The following NCK1 variants were observed in gnomAD, a reference collection of about 807,000 sequenced individuals.
The protein encoded by NCK1 is SH2/SH3 adapter protein NCK1.
Under a neutral mutation model 36.6 loss-of-function variants are expected in NCK1, and 19 were observed. That is an observed-to-expected ratio of 0.52 (90% CI 0.36 to 0.76). The LOEUF is 0.76. Ranked by LOEUF, NCK1 falls within the 30% of genes least tolerant of loss-of-function variation. The probability of loss-of-function intolerance (pLI) is 0.00; values close to 1 mark genes in which losing one functional copy is unlikely to be tolerated. For synonymous variants in NCK1, 165 were observed against 156.0 expected (o/e 1.06, Z -0.43); for missense variants, 358 against 445.6 (o/e 0.80, Z 1.77).
intron 1 of NCK1, among the ~76,000 whole-genome samples, chr3:136,915,308 A>C (rs1409021531): frequency 1.3e-5 from 2 of 152,240 alleles, no homozygotes; most frequent in Non-Finnish European, 2.9e-5. Context: ...TTGACGTAGT[A>C]GCATTAATTA....
chr3:136,897,957 A>AT (rs1939432627), intron 1 of NCK1, among the ~76,000 whole-genome samples: 2 of 152,326 alleles, frequency 1.3e-5, no homozygotes, highest in South Asian at 4.1e-4. Flanking sequence ...AGGGATGACT[A>AT]AATACTTGAC....
intron 1 of NCK1, among the ~76,000 whole-genome samples, chr3:136,877,251 T>C (rs1210412008): frequency 6.6e-6 from 1 of 152,198 alleles, no homozygotes; most frequent in Non-Finnish European, 1.5e-5. Context: ...AATTGACACA[T>C]GCTGGACAAT....
At chr3:136,899,472 T>C (rs1939483985) in intron 1 of NCK1, 1 of 352,750 alleles carries the variant, frequency 2.8e-6, no homozygotes, top group Admixed American at 3.5e-5. Flanking sequence ...AGAGGAGTCT[T>C]TGTCATTATC....
chr3:136,896,698 A>G (rs1939400898), intron 1 of NCK1, among the ~76,000 whole-genome samples: 2 of 152,100 alleles, frequency 1.3e-5, no homozygotes, highest in Admixed American at 6.5e-5. Flanking sequence ...TGGGGGTCTC[A>G]CTATGTTGCC....
intron 1 of NCK1, among the ~76,000 whole-genome samples, chr3:136,888,250 CTTTAT>C (rs1321211910): frequency 4.6e-5 from 7 of 151,900 alleles, no homozygotes; most frequent in African/African-American, 1.7e-4. Flanking sequence ...GCCCTCCTTG[CTTTAT>C]TTTATGATTC....
chr3:136,934,084 C>G (rs1425241607), intron 2 of NCK1, among the ~76,000 whole-genome samples: 1 of 152,092 alleles, frequency 6.6e-6, no homozygotes, highest in Non-Finnish European at 1.5e-5. Context: ...TGATGGAGTT[C>G]CTGCTATGTA....
In NCK1 at chr3:136,946,422, G is replaced by A. The variant is rs562581478; in HGVS notation, c.939+127G>A. The A allele has an allele frequency of 7.9e-6, 6 of 755,134 alleles. No homozygotes were observed. The East Asian group carries it at 1.1e-4, about 13-fold the overall frequency. 46.8% of individuals were successfully genotyped at this position (755,134 alleles called of 1,614,324 possible). On this transcript the variant is annotated intron_variant, in intron 3 of 3. Transcript: ENST00000481752. Reference sequence around the variant, plus strand: ...GGTAACAAGCTGGGACGTAACATAAGCATAAATGTTCCAAAGCTAAAGTCC... The same window carrying A: ...GGTAACAAGCTGGGACGTAACATAAACATAAATGTTCCAAAGCTAAAGTCC...
chr3:136,867,009 A>C (rs1487378359), intron 1 of NCK1, among the ~76,000 whole-genome samples: 4 of 151,922 alleles, frequency 2.6e-5, no homozygotes, highest in Non-Finnish European at 4.4e-5. Flanking sequence ...CCTTTGGTGC[A>C]GTCTTCCAAA....
At chr3:136,940,222 C>G (rs933279478) in intron 2 of NCK1, among the ~76,000 whole-genome samples, 1 of 152,036 alleles carries the variant, frequency 6.6e-6, no homozygotes, top group Non-Finnish European at 1.5e-5. Flanking sequence ...TCCATGTATA[C>G]TTGAGAAAAA....
intron 1 of NCK1, among the ~76,000 whole-genome samples, chr3:136,867,109 TTTCTTTCTTTGTTTCTTTCTTTCC>T (rs1453894847): frequency 0.025 from 824 of 33,032 alleles, 82 homozygotes; most frequent in East Asian, 0.035. Flanking sequence ...TCTTTCTTTC[TTTCTTTCTTTGTTTCTTTCTTTCC>T]TTCCTTCCTT....
At chr3:136,874,861 A>G (rs1938722707) in intron 1 of NCK1, among the ~76,000 whole-genome samples, 1 of 152,152 alleles carries the variant, frequency 6.6e-6, no homozygotes, top group Non-Finnish European at 1.5e-5. Flanking sequence ...TAGGTTGGAA[A>G]TAATTTGCCT....
At chr3:136,874,097 A>T (rs1266390882) in intron 1 of NCK1, among the ~76,000 whole-genome samples, 1 of 152,238 alleles carries the variant, frequency 6.6e-6, no homozygotes, top group East Asian at 1.9e-4. Context: ...ATGTAATTTT[A>T]AAAAATTGGA....
At chr3:136,880,715 A>G (rs1280557689) in intron 1 of NCK1, among the ~76,000 whole-genome samples, 1 of 152,024 alleles carries the variant, frequency 6.6e-6, no homozygotes, top group Non-Finnish European at 1.5e-5. Flanking sequence ...AGGGATCCTC[A>G]TGTTTCAACC....
chr3:136,930,174 A>G (rs1335989500), intron 2 of NCK1, among the ~76,000 whole-genome samples: 1 of 152,150 alleles, frequency 6.6e-6, no homozygotes. Flanking sequence ...GGTGTAATTA[A>G]TGGATTTGTT....
At chr3:136,940,063 A>T (rs924062298) in intron 2 of NCK1, among the ~76,000 whole-genome samples, 1 of 151,988 alleles carries the variant, frequency 6.6e-6, no homozygotes, top group African/African-American at 2.4e-5. Context: ...AGGTCTCACC[A>T]TCTTGCCCAG....
intron 1 of NCK1, among the ~76,000 whole-genome samples, chr3:136,915,514 T>C (rs1051230436): frequency 2.0e-5 from 3 of 152,212 alleles, no homozygotes; most frequent in Admixed American, 6.5e-5. Context: ...GTAGGTCTTA[T>C]GGCTTGCATA....
chr3:136,916,745 AAC>A (rs544575747), intron 1 of NCK1, among the ~76,000 whole-genome samples: 77 of 152,182 alleles, frequency 5.1e-4, no homozygotes, highest in African/African-American at 1.7e-3. Flanking sequence ...TAGAAAATAA[AAC>A]AGTTTGTTTA....
chr3:136,876,850 G>C (rs541962509), intron 1 of NCK1, among the ~76,000 whole-genome samples: 2 of 152,232 alleles, frequency 1.3e-5, no homozygotes, highest in East Asian at 3.9e-4. Context: ...TCCTGCCTAA[G>C]ATCAATTTCT....
At chr3:136,862,580 A>G (rs1938258922) in intron 1 of NCK1, among the ~76,000 whole-genome samples, 1 of 152,156 alleles carries the variant, frequency 6.6e-6, no homozygotes, top group African/African-American at 2.4e-5. Context: ...TGCCCCAGGG[A>G]GCGTGACCCC....
Sources: allele counts gnomAD v4.1 joint callset (sites outside exome capture counted in the v4.1 genomes callset), GRCh38; gene constraint gnomAD v4.1.1; transcripts MANE v1.5; gene names NCBI Gene and HGNC (gene_info 2026-07-23, HGNC 2026-07-21).